The following SEC22A variants were observed in gnomAD, a reference collection of about 807,000 sequenced individuals.
SEC22A encodes SEC22 homolog A, vesicle trafficking protein.
In SEC22A, 22 loss-of-function variants were observed where a neutral mutation model predicts 35.3. That is an observed-to-expected ratio of 0.62 (90% CI 0.45 to 0.89). The LOEUF is 0.89. SEC22A is among the 40% of genes least tolerant of loss of function. The pLI is 0.00. For missense variants in SEC22A, 354 were observed against 362.5 expected (o/e 0.98, Z 0.19); for synonymous variants, 119 against 129.5 (o/e 0.92, Z 0.55).
At chr3:123,259,784 CCTT>C (rs1937836452) in intron 6 of SEC22A, among the ~76,000 whole-genome samples, 195 bp downstream of exon 6, 1 of 152,128 alleles carries the variant, frequency 6.6e-6, no homozygotes. Flanking sequence ...CTGATGTTAA[CCTT>C]CTTCCTGTGC....
intron 6 of SEC22A, among the ~76,000 whole-genome samples, chr3:123,268,937 T>A (rs185381856): frequency 8.7e-4 from 132 of 152,288 alleles, no homozygotes; most frequent in Admixed American, 2.6e-3. Flanking sequence ...ACAATCTGGA[T>A]TAGTCTGTTA....
At chr3:123,259,675 T>C in intron 6 of SEC22A, 86 bp downstream of exon 6, 1 of 908,074 alleles carries the variant, frequency 1.1e-6, no homozygotes, top group East Asian at 2.6e-5. Context: ...TTTAAATAAA[T>C]TATTAAAACT....
Position 123,252,655 on chromosome 3 carries a change from AT to A in SEC22A, c.657+6642del, listed in dbSNP as rs1282109516. Among the ~76,000 whole-genome samples, 3 of 152,350 alleles carry A rather than the reference AT, an allele frequency of 2.0e-5. No individual in the cohort carries two copies. In the East Asian group the frequency reaches 5.8e-4, roughly 29 times the overall value. ...AATGACTGCTACATTTATCTCTAGT[AT>A]CTTGAGGCTCATTTAAATTTGAGGA... On this transcript the variant is annotated intron_variant, in intron 5 of 6. Coordinates refer to ENST00000492595, the MANE Select transcript of SEC22A (RefSeq NM_012430.5).
chr3:123,205,427 A>C (rs1013742709), intron 1 of SEC22A, among the ~76,000 whole-genome samples: 13 of 152,130 alleles, frequency 8.5e-5, no homozygotes, highest in Non-Finnish European at 1.6e-4. Flanking sequence ...AGTGGCTCAC[A>C]CCTGTAATCC....
At chr3:123,236,174 T>A (rs1937416364) in intron 4 of SEC22A, among the ~76,000 whole-genome samples, 2 of 152,198 alleles carry the variant, frequency 1.3e-5, no homozygotes, top group South Asian at 4.1e-4. Flanking sequence ...TTGTGTGTTT[T>A]AAAAGTATTA....
chr3:123,211,661 G>A (rs1055305514), intron 2 of SEC22A, among the ~76,000 whole-genome samples: 1 of 152,060 alleles, frequency 6.6e-6, no homozygotes, highest in Non-Finnish European at 1.5e-5. Context: ...GTCTCACCAT[G>A]TTGCCTAGGT....
At chr3:123,220,883 T>TATATATATATATATATATATATATAG (rs1937110732) in intron 2 of SEC22A, among the ~76,000 whole-genome samples, 1 of 140,178 alleles carries the variant, frequency 7.1e-6, no homozygotes, top group African/African-American at 2.7e-5. Context: ...TATATATACA[T>TATATATATATATATATATATATATAG]ATATATATAT....
intron 5 of SEC22A, among the ~76,000 whole-genome samples, chr3:123,256,758 C>CTTCTTTTTT (rs1553712645): frequency 1.2e-5 from 1 of 83,550 alleles, no homozygotes; most frequent in Non-Finnish European, 2.3e-5. Flanking sequence ...TTTTTCTTTC[C>CTTCTTTTTT]TTTTTTTTTT....
At chr3:123,219,492 T>G (rs1052631449) in intron 2 of SEC22A, among the ~76,000 whole-genome samples, 1 of 152,238 alleles carries the variant, frequency 6.6e-6, no homozygotes, top group Non-Finnish European at 1.5e-5. Flanking sequence ...TCATCCTATC[T>G]TTGCTTCTTA....
At chr3:123,252,115 T>C (rs1937621502) in intron 5 of SEC22A, among the ~76,000 whole-genome samples, 1 of 152,142 alleles carries the variant, frequency 6.6e-6, no homozygotes, top group Non-Finnish European at 1.5e-5. Flanking sequence ...GAACCTGAGG[T>C]CTCTTACTTT....
Position 123,209,182 on chromosome 3 carries a change from T to G in SEC22A, c.-19-17T>G. 6.2e-7 allele frequency: 1 copy of G among 1,603,856 alleles called. No individual in the cohort carries two copies. The highest frequency in any genetic ancestry group is 8.5e-7 in the Non-Finnish European group (1 of 1,171,422). On this transcript the variant is annotated splice_polypyrimidine_tract_variant and intron_variant, in intron 1 of 6. Coordinates refer to ENST00000492595, the MANE Select transcript of SEC22A (RefSeq NM_012430.5). The stretch of plus-strand genomic sequence containing the variant: ...GCTTTAATTTTTATGTAACCCAAAT[T>G]GTTCATTTTGTTTTAGGTCTTCTCT...
intron 4 of SEC22A, among the ~76,000 whole-genome samples, chr3:123,237,696 G>T (rs1236257769): frequency 6.6e-6 from 1 of 152,108 alleles, no homozygotes; most frequent in Non-Finnish European, 1.5e-5. Context: ...AATTAGGGGT[G>T]GGGGTCCAAC....
intron 2 of SEC22A, among the ~76,000 whole-genome samples, chr3:123,216,969 G>A (rs922514648): frequency 2.0e-5 from 3 of 151,856 alleles, no homozygotes; most frequent in Non-Finnish European, 2.9e-5. Context: ...TGTGACTATG[G>A]GTGTGCATCA....
At chr3:123,227,122 A>G (rs1191471802) in intron 4 of SEC22A, among the ~76,000 whole-genome samples, 1 of 152,210 alleles carries the variant, frequency 6.6e-6, no homozygotes, top group African/African-American at 2.4e-5. Flanking sequence ...GTGAAATGAT[A>G]TAAACTTTTG....
chr3:123,227,905 T>TA (rs1937243254), intron 4 of SEC22A, among the ~76,000 whole-genome samples: 1 of 148,078 alleles, frequency 6.8e-6, no homozygotes, highest in African/African-American at 2.5e-5. Context: ...GCTGAGATCG[T>TA]ACCACTGCAC....
intron 2 of SEC22A, among the ~76,000 whole-genome samples, chr3:123,217,758 A>G (rs1409538718): frequency 1.3e-5 from 2 of 152,172 alleles, no homozygotes; most frequent in African/African-American, 4.8e-5. Context: ...GTACCTTGTC[A>G]TTTAGCATGC....
At chr3:123,260,501 C>G (rs1246276629) in intron 6 of SEC22A, among the ~76,000 whole-genome samples, 1 of 152,170 alleles carries the variant, frequency 6.6e-6, no homozygotes, top group Non-Finnish European at 1.5e-5. Flanking sequence ...GATTTTGCAC[C>G]TTGGTGACAT....
intron 1 of SEC22A, chr3:123,208,410 T>G (rs1936884196): frequency 6.6e-6 from 1 of 152,246 alleles, no homozygotes; most frequent in Non-Finnish European, 1.5e-5. Context: ...AGGTATGCCT[T>G]CAGACTCTTG....
chr3:123,259,002 T>A (rs1036919252), intron 5 of SEC22A, among the ~76,000 whole-genome samples: 4 of 152,338 alleles, frequency 2.6e-5, no homozygotes, highest in Middle Eastern at 3.4e-3. Context: ...CTGATTAGTC[T>A]TAATTTTTCA....
Sources: gnomAD v4.1 joint callset for allele counts (sites outside exome capture counted in the v4.1 genomes callset) on GRCh38, gnomAD v4.1.1 for gene constraint, MANE v1.5 for transcripts, NCBI Gene and HGNC (gene_info 2026-07-23, HGNC 2026-07-21) for gene names.